The following DPP4 variants were observed in gnomAD, a reference collection of about 807,000 sequenced individuals.
DPP4 encodes the protein dipeptidyl peptidase 4, also known as ADCP-2.
Under a neutral mutation model 122.4 loss-of-function variants are expected in DPP4, and 93 were observed. The ratio of observed to expected loss-of-function variants is 0.76; its 90% CI spans 0.64 to 0.90. The LOEUF (loss-of-function observed/expected upper bound fraction) is 0.90. Ranked by LOEUF, DPP4 falls within the 40% of genes least tolerant of loss-of-function variation. The pLI is 0.00. For synonymous variants in DPP4, 321 were observed against 302.9 expected, an observed-to-expected ratio of 1.06 and a Z score of -0.62; for missense variants, 914 against 907.3, an observed-to-expected ratio of 1.01 and a Z score of -0.09.
intron 5 of DPP4, among the ~76,000 whole-genome samples, chr2:162,042,796 G>A (rs1480802042): frequency 2.0e-5 from 3 of 152,176 alleles, no homozygotes; most frequent in Admixed American, 6.6e-5. Flanking sequence ...CAGGGAAACT[G>A]GCACCAAATA....
chr2:162,064,583 G>A (rs547597365), intron 2 of DPP4, among the ~76,000 whole-genome samples: 1 of 152,142 alleles, frequency 6.6e-6, no homozygotes, highest in South Asian at 2.1e-4. Context: ...ATTTTATGTT[G>A]ACTATTTCTA....
In DPP4 at chr2:162,045,577, T is replaced by C. The variant is rs200377808; in HGVS notation, c.321A>G (p.Ile107Met). ...AGAGAATAAACTGCCCATCAGGAGATATTGAATAATCATTGATAGAATGTC... is the reference window on the plus strand; with the variant it reads ...AGAGAATAAACTGCCCATCAGGAGACATTGAATAATCATTGATAGAATGTC... The part of the protein sequence containing the change: ...EFGHSINDYS[I>M]SPDGQFILLE... Residue 107 changes from isoleucine to methionine, a missense_variant, in exon 5 of 26, where the codon ATA (isoleucine) becomes ATG (methionine). Transcript: ENST00000360534. 5.8e-5 allele frequency: 94 copies of C among 1,612,824 alleles called. No individual in the cohort carries two copies. The highest frequency in any genetic ancestry group is 7.9e-5 in the Non-Finnish European group (93 of 1,179,128).
In DPP4 at chr2:161,994,949, GT is replaced by G; in HGVS notation, c.2199+11del. The G allele has an allele frequency of 6.2e-7, 1 of 1,613,788 alleles. No individual in the cohort carries two copies. The highest frequency in any genetic ancestry group is 8.5e-7 in the Non-Finnish European group (1 of 1,179,778). ...AGCAACTTCCCTCCCCTTGCACAAA[GT>G]TTTTCTATACCATTGCCTGGAAATC... On this transcript the variant is annotated intron_variant, in intron 25 of 25. Transcript: ENST00000360534.
chr2:162,032,682 A>C (rs1308284889), intron 10 of DPP4, among the ~76,000 whole-genome samples: 1 of 148,976 alleles, frequency 6.7e-6, no homozygotes, highest in African/African-American at 2.5e-5. Context: ...CTGTCTCAAA[A>C]AAACAAACAA....
intron 23 of DPP4, 134 bp from the exon 24 acceptor site, chr2:161,995,506 G>T: frequency 1.4e-6 from 1 of 722,558 alleles, no homozygotes. Flanking sequence ...CGATATTCAA[G>T]CAAATGCTGT....
rs1700911557 is a variant in DPP4, at chr2:161,993,363, C to T, written c.2221G>A (p.Gly741Arg). 1 of 1,612,814 alleles carries T rather than the reference C, an allele frequency of 6.2e-7. No individual in the cohort carries two copies. Among genetic ancestry groups the T allele is most frequent in the South Asian group, 1.1e-5 (1 of 91,032 alleles). The change falls in exon 26 of 26, where the codon GGA becomes AGA. Residue 741 changes from glycine to arginine, a missense_variant. Transcript: ENST00000360534. ...QAMWYTDEDH[G>R]IASSTAHQHI... The stretch of plus-strand genomic sequence containing the variant: ...TGGTGTGCTGTGCTGCTAGCTATTC[C>T]ATGGTCTTCATCAGTATACCACTAG...
rs1442184279 is a variant in DPP4, at chr2:162,011,859, T to C, written c.1766A>G (p.Lys589Arg). The C allele has an allele frequency of 6.2e-7, 1 of 1,613,774 alleles. No individual in the cohort carries two copies. The highest frequency in any genetic ancestry group is 8.5e-7 in the Non-Finnish European group (1 of 1,179,724). The change falls in exon 20 of 26, where the codon AAG becomes AGG. Residue 589 changes from lysine (K) to arginine (R), a missense_variant. By Grantham distance (26) the Lys-to-Arg change is conservative. Coordinates refer to ENST00000360534, the MANE Select transcript of DPP4 (RefSeq NM_001935.4). ...DGRGSGYQGDKIMHAINRRLG... is the reference protein window; with the variant it reads ...DGRGSGYQGDRIMHAINRRLG... ...TCTTCTGTTGATTGCATGCATGATC[T>C]TATCTCCTTGGTAACCACTTCCTCT...
chr2:162,073,190 G>T (rs1002472006), intron 2 of DPP4: 5 of 475,608 alleles, frequency 1.1e-5, no homozygotes, highest in African/African-American at 5.7e-5. Flanking sequence ...CGTGAAAGCC[G>T]CAAGAGTTTC....
At position 162,034,627 on chromosome 2, in the gene DPP4, T is replaced by C. The variant is rs142187753; in HGVS notation, c.774+537A>G. On this transcript the variant is annotated intron_variant, in intron 9 of 25. Transcript: ENST00000360534. ...GCTGCTTAACAAAGCTCCTCAATTT[T>C]AGTAAACACGCAACCCTGACGAGGA... Among the ~76,000 whole-genome samples the C allele has an allele frequency of 3.1e-3, 470 of 152,308 alleles. 2 individuals are homozygous for C. Among genetic ancestry groups the C allele is most frequent in the African/African-American group, 0.011 (446 of 41,574 alleles).
chr2:162,071,102 C>T (rs1685099149), intron 2 of DPP4, among the ~76,000 whole-genome samples: 1 of 152,168 alleles, frequency 6.6e-6, no homozygotes. Flanking sequence ...CTCACCTTCC[C>T]ACTGTCATGG....
At position 162,019,742 on chromosome 2, in the gene DPP4, G is replaced by A. The variant is rs552461233; in HGVS notation, c.1245-466C>T. ...TCGGGCGGCGGCAAAATTCCTCCGC[G>A]ATTAGACCAATAAAGAATCATAAAA... On this transcript the variant is annotated intron_variant, in intron 14 of 25. Transcript: ENST00000360534. 1.8e-4 allele frequency among the ~76,000 whole-genome samples: 27 copies of A among 152,056 alleles called. 1 individual carries two copies. In the South Asian group the frequency reaches 5.4e-3, roughly 31 times the overall value.
In DPP4 at chr2:162,039,026, A is replaced by G. The variant is rs750790528; in HGVS notation, c.420-5T>C. On this transcript the variant is annotated splice_region_variant and splice_polypyrimidine_tract_variant and intron_variant, in intron 6 of 25. Transcript: ENST00000360534. ...CTCTCTTCTGTAATCAGCTGCCTGG[A>G]AAAAAGATGAAAGGAAATATTATCA... The G allele has an allele frequency of 2.5e-6, 4 of 1,613,118 alleles. No homozygotes were observed. Among genetic ancestry groups the G allele is most frequent in the Non-Finnish European group, 8.5e-7 (1 of 1,179,274 alleles).
intron 18 of DPP4, among the ~76,000 whole-genome samples, chr2:162,016,138 A>G (rs1682916843): frequency 6.6e-6 from 1 of 152,190 alleles, no homozygotes; most frequent in Admixed American, 6.5e-5. Flanking sequence ...CCTAAAATGA[A>G]TCAATCCTAA....
chr2:162,040,512 C>G (rs563796448), intron 5 of DPP4, among the ~76,000 whole-genome samples: 6 of 151,922 alleles, frequency 3.9e-5, no homozygotes, highest in African/African-American at 1.4e-4. Context: ...AAAGGTAAAA[C>G]TATGGAGAGA....
chr2:162,018,962 T>C (rs1346510188), intron 15 of DPP4, 112 bp from the exon 16 acceptor site: 11 of 1,404,026 alleles, frequency 7.8e-6, no homozygotes, highest in Non-Finnish European at 1.1e-5. Flanking sequence ...ACGCAATCTT[T>C]AGGACTTTTT....
At chr2:162,002,823 A>G (rs1701184792) in intron 23 of DPP4, among the ~76,000 whole-genome samples, 1 of 152,212 alleles carries the variant, frequency 6.6e-6, no homozygotes, top group South Asian at 2.1e-4. Context: ...GCACAGGCTC[A>G]TTTAAAAAAC....
rs746943703 is a variant in DPP4 at position 161,993,243 on chromosome 2, G to A, written c.*40C>T. The A allele has an allele frequency of 4.1e-6, 6 of 1,472,770 alleles. No homozygotes were observed. The African/African-American group carries it at 5.6e-5, about 14-fold the overall frequency. The allele number at this position is 1,472,770 out of a possible 1,614,324, so 91.2% of individuals were successfully genotyped here. ...GTTTTGAGATAATGAAAACAAAAAT[G>A]AGTTTTAATAAGCTTTAAATGGCAT... On this transcript the variant is annotated 3_prime_UTR_variant, in exon 26 of 26. Coordinates refer to ENST00000360534, the MANE Select transcript of DPP4 (RefSeq NM_001935.4).
chr2:162,042,808 G>A (rs73009104), intron 5 of DPP4, among the ~76,000 whole-genome samples: 1,559 of 152,208 alleles, frequency 0.01, 29 homozygotes, highest in African/African-American at 0.036. Context: ...CACCAAATAA[G>A]GCAGGCAAAA....
chr2:162,017,346 G>A (rs1682962944), intron 16 of DPP4, 191 bp from the exon 17 acceptor site: 1 of 573,012 alleles, frequency 1.7e-6, no homozygotes. Flanking sequence ...TGCAATTTCA[G>A]TGTAAGAAGT....
Sources: allele counts gnomAD v4.1 joint callset (sites outside exome capture counted in the v4.1 genomes callset), GRCh38; gene constraint gnomAD v4.1.1; transcripts MANE v1.5; gene names NCBI Gene and HGNC (gene_info 2026-07-23, HGNC 2026-07-21).